C12orf42: variants seen among roughly 807,000 people sequenced by gnomAD.
C12orf42 encodes the protein chromosome 12 open reading frame 42.
Under a neutral mutation model 21.6 loss-of-function variants are expected in C12orf42, and 25 were observed. The observed-to-expected ratio is 1.16, with a 90% CI of 0.84 to 1.62. C12orf42 has a LOEUF of 1.62. Among genes scored for constraint, C12orf42 ranks in the 40% most tolerant of loss-of-function variants. The pLI is 0.00. For missense variants in C12orf42, 483 were observed against 459.3 expected, an observed-to-expected ratio of 1.05 and a Z score of -0.47; for synonymous variants, 174 against 175.0, an observed-to-expected ratio of 0.99 and a Z score of 0.05.
chr12:103,351,922 T>G, intron 4 of C12orf42, among the ~76,000 whole-genome samples: 1 of 151,994 alleles, frequency 6.6e-6, no homozygotes, highest in East Asian at 1.9e-4. Context: ...TTTCTCCCTC[T>G]CTATCCCCCT....
At chr12:103,120,826 A>G in the C12orf42 span, among the ~76,000 whole-genome samples, 1 of 150,630 alleles carries the variant, frequency 6.6e-6, no homozygotes, top group Admixed American at 6.6e-5. Flanking sequence ...TATATACTAT[A>G]ATAAAATTAT....
At chr12:103,152,348 A>G in the C12orf42 span, among the ~76,000 whole-genome samples, 2 of 152,198 alleles carry the variant, frequency 1.3e-5, no homozygotes, top group African/African-American at 4.8e-5. Flanking sequence ...AGCAGTAGAG[A>G]GCTAAGGTAA....
chr12:103,519,488 T>C, the C12orf42 span, among the ~76,000 whole-genome samples: 5 of 152,118 alleles, frequency 3.3e-5, no homozygotes, highest in African/African-American at 1.2e-4. Flanking sequence ...TTATATAATA[T>C]TGGACAAATT....
intron 3 of C12orf42, among the ~76,000 whole-genome samples, chr12:103,397,111 T>C (rs1248307508): frequency 6.6e-6 from 1 of 152,216 alleles, no homozygotes; most frequent in African/African-American, 2.4e-5. Context: ...ACCAAACATG[T>C]AAGTAATTCT....
At chr12:103,294,461 A>AGAAG in intron 4 of C12orf42, among the ~76,000 whole-genome samples, 1 of 132,320 alleles carries the variant, frequency 7.6e-6, no homozygotes, top group South Asian at 2.4e-4. Flanking sequence ...AAAGAAAGAA[A>AGAAG]GAAAGAAAGA....
chr12:103,200,113 T>A, the C12orf42 span, among the ~76,000 whole-genome samples: 3 of 151,756 alleles, frequency 2.0e-5, no homozygotes, highest in Non-Finnish European at 2.9e-5. Context: ...GAAAAAAAAA[T>A]ACGGTATACA....
chr12:103,273,372 A>G (rs975681687), intron 5 of C12orf42, among the ~76,000 whole-genome samples: 2 of 152,238 alleles, frequency 1.3e-5, no homozygotes, highest in Admixed American at 6.5e-5. Context: ...AAAACTGTAA[A>G]TAAAATTTTA....
At chr12:103,266,971 T>C (rs1168983398), downstream of C12orf42, among the ~76,000 whole-genome samples, 1 of 152,132 alleles carries the variant, frequency 6.6e-6, no homozygotes, top group African/African-American at 2.4e-5. Flanking sequence ...AAACTTTGAG[T>C]ATTAGGAAGA....
chr12:103,066,905 C>A, the C12orf42 span, among the ~76,000 whole-genome samples: 1 of 152,318 alleles, frequency 6.6e-6, no homozygotes, highest in African/African-American at 2.4e-5. Flanking sequence ...CACCCAGCCT[C>A]TTTACCCAAT....
At chr12:103,154,105 C>T in the C12orf42 span, among the ~76,000 whole-genome samples, 2 of 145,808 alleles carry the variant, frequency 1.4e-5, no homozygotes, top group African/African-American at 5.0e-5. Flanking sequence ...GTTCCATTTT[C>T]GTAAAAAGTA....
At chr12:103,138,955 T>A in the C12orf42 span, among the ~76,000 whole-genome samples, 1 of 152,194 alleles carries the variant, frequency 6.6e-6, no homozygotes, top group African/African-American at 2.4e-5. Context: ...TTTAGCACCA[T>A]CATGTATCTG....
rs75639170 is a variant in C12orf42 at position 103,259,586 on chromosome 12, C to T, written c.*1366+3740G>A. 6.1e-3 allele frequency among the ~76,000 whole-genome samples: 924 copies of T among 152,238 alleles called. 13 individuals carry two copies. The highest frequency in any genetic ancestry group is 0.021 in the African/African-American group (883 of 41,548). ...AAGCCACCATGCCTGGCCATCTTAC[C>T]TTAACTTTAAATCTCAGGATGTTCA... On this transcript the variant is annotated intron_variant and NMD_transcript_variant, in intron 10 of 10. Coordinates refer to the C12orf42 transcript ENST00000547347.
At chr12:103,407,564 A>T (rs775935484) in intron 2 of C12orf42, among the ~76,000 whole-genome samples, 1 of 152,212 alleles carries the variant, frequency 6.6e-6, no homozygotes, top group Non-Finnish European at 1.5e-5. Context: ...TTACTTTAAG[A>T]ATACAGTATA....
chr12:103,083,658 A>G, the C12orf42 span, among the ~76,000 whole-genome samples: 46 of 152,362 alleles, frequency 3.0e-4, no homozygotes, highest in Middle Eastern at 6.8e-3. Context: ...GTAGTTTCAT[A>G]TAAAAAACTG....
chr12:103,209,608 G>T, the C12orf42 span, among the ~76,000 whole-genome samples: 1 of 152,154 alleles, frequency 6.6e-6, no homozygotes, highest in African/African-American at 2.4e-5. Flanking sequence ...AACGGCCAGC[G>T]CTGAGACACA....
the C12orf42 span, among the ~76,000 whole-genome samples, chr12:103,049,333 T>C: frequency 2.6e-5 from 4 of 152,166 alleles, no homozygotes; most frequent in African/African-American, 7.2e-5. Flanking sequence ...CTTTTCCTCT[T>C]AAACGCCACT....
intron 2 of C12orf42, among the ~76,000 whole-genome samples, chr12:103,448,281 C>T (rs1200811969): frequency 6.6e-6 from 1 of 151,974 alleles, no homozygotes; most frequent in Non-Finnish European, 1.5e-5. Flanking sequence ...TTACCTTATA[C>T]AAAAATCAAC....
At chr12:103,326,617 T>C (rs2040738592) in intron 4 of C12orf42, among the ~76,000 whole-genome samples, 1 of 152,220 alleles carries the variant, frequency 6.6e-6, no homozygotes, top group Non-Finnish European at 1.5e-5. Context: ...AGCTTGTTCC[T>C]ACCCAGGTTC....
At chr12:103,421,662 C>T (rs898344848) in intron 2 of C12orf42, among the ~76,000 whole-genome samples, 1 of 151,658 alleles carries the variant, frequency 6.6e-6, no homozygotes, top group Admixed American at 6.5e-5. Context: ...AAATAAAACT[C>T]AAAAAAAGAA....
Sources: allele counts gnomAD v4.1 joint callset (sites outside exome capture counted in the v4.1 genomes callset), GRCh38; gene constraint gnomAD v4.1.1; transcripts MANE v1.5; gene names NCBI Gene and HGNC (gene_info 2026-07-23, HGNC 2026-07-21).